The following HTN3 variants were observed in gnomAD, a reference collection of about 807,000 sequenced individuals.
The protein encoded by HTN3 is histatin-3.
HTN3 carries 15 observed loss-of-function variants against 10.6 expected under a neutral mutation model. That is an observed-to-expected ratio of 1.42 (90% CI 0.95 to 2.18). The LOEUF is 2.18. HTN3 is among the 30% of genes most tolerant of loss of function. The pLI, the probability that HTN3 is intolerant of heterozygous loss-of-function variation, is 0.00. For missense variants in HTN3, 68 were observed against 58.0 expected, an observed-to-expected ratio of 1.17 and a Z score of -0.56; for synonymous variants, 15 against 16.9, an observed-to-expected ratio of 0.89 and a Z score of 0.27.
At chr4:70,031,163 T>A (rs1725374447) in intron 2 of HTN3, 2 of 163,520 alleles carry the variant, frequency 1.2e-5, no homozygotes, top group South Asian at 3.5e-4. Context: ...TTAGAGGGTG[T>A]CAAAATATGA....
intron 1 of HTN3, among the ~76,000 whole-genome samples, chr4:70,030,443 T>C (rs1164719553): frequency 6.6e-6 from 1 of 152,122 alleles, no homozygotes; most frequent in East Asian, 1.9e-4. Context: ...CTGGGCAATA[T>C]AGTGAGACTA....
intron 2 of HTN3, 118 bp from the exon 3 acceptor site, chr4:70,031,861 C>A (rs1451817914): frequency 1.0e-5 from 7 of 701,580 alleles, no homozygotes; most frequent in Non-Finnish European, 1.5e-5. Context: ...AGCATGTCAT[C>A]ATCCAAAGAA....
At chr4:70,035,087 G>T (rs370045757) in intron 5 of HTN3, among the ~76,000 whole-genome samples, 62 of 152,230 alleles carry the variant, frequency 4.1e-4, no homozygotes, top group Non-Finnish European at 5.3e-4. Context: ...CAATAGTGCA[G>T]CAAACCACCA....
At position 70,033,182 on chromosome 4, in the gene HTN3, C is replaced by T. The variant is rs1220739264; in HGVS notation, c.118C>T (p.His40Tyr). 1 of 1,606,374 alleles carries T rather than the reference C, an allele frequency of 6.2e-7. No homozygotes were observed. Among genetic ancestry groups the T allele is most frequent in the Non-Finnish European group, 8.5e-7 (1 of 1,174,698 alleles). The change falls in exon 5 of 6, where the codon CAT becomes TAT. Residue 40 changes from histidine to tyrosine, a missense_variant. Coordinates refer to ENST00000673563, the MANE Select transcript of HTN3 (RefSeq NM_000200.3). ...KRKFHEKHHS[H>Y]RGYRSNYLYD... ...GTGTATGCAGGAAAAGCATCATTCACATCGAGGCTATAGATCAAATTATCT... is the reference window on the plus strand; with the variant it reads ...GTGTATGCAGGAAAAGCATCATTCATATCGAGGCTATAGATCAAATTATCT...
At chr4:70,029,658 T>C (rs1280539237) in intron 1 of HTN3, among the ~76,000 whole-genome samples, 1 of 152,204 alleles carries the variant, frequency 6.6e-6, no homozygotes, top group African/African-American at 2.4e-5. Context: ...GAAATGCTTT[T>C]ATTTACATGT....
At chr4:70,032,292 T>C (rs1725399981) in intron 4 of HTN3, among the ~76,000 whole-genome samples, 185 bp downstream of exon 4, 1 of 152,034 alleles carries the variant, frequency 6.6e-6, no homozygotes, top group Admixed American at 6.6e-5. Context: ...CTAACAGCAT[T>C]TCAACGGAAA....
chr4:70,034,957 C>G (rs1384386703), intron 5 of HTN3, among the ~76,000 whole-genome samples: 1 of 152,022 alleles, frequency 6.6e-6, no homozygotes, highest in East Asian at 1.9e-4. Context: ...AACAGAAAAC[C>G]AAACAGCACA....
chr4:70,033,098 T>C, intron 4 of HTN3, 69 bp from the exon 5 acceptor site: 1 of 1,102,350 alleles, frequency 9.1e-7, no homozygotes, highest in South Asian at 1.4e-5. Context: ...GTGACAGTTT[T>C]TGTGAAGCAT....
At chr4:70,029,572 A>G (rs1725324340) in intron 1 of HTN3, among the ~76,000 whole-genome samples, 1 of 152,136 alleles carries the variant, frequency 6.6e-6, no homozygotes, top group Admixed American at 6.6e-5. Flanking sequence ...CTATTAATGA[A>G]TTACTTTATA....
chr4:70,029,918 C>A (rs1432545902), intron 1 of HTN3, among the ~76,000 whole-genome samples: 1 of 152,208 alleles, frequency 6.6e-6, no homozygotes, highest in South Asian at 2.1e-4. Context: ...AAGGTTGCAC[C>A]ATCTGTGCTA....
chr4:70,033,197 T>A lies in HTN3; in HGVS notation c.133T>A (p.Ser45Thr). The change falls in exon 5 of 6, where the codon TCA (serine) becomes ACA (threonine). Residue 45 changes from serine to threonine, a missense_variant. Physicochemically the swap from Ser to Thr is moderately conservative, Grantham distance 58. Coordinates refer to ENST00000673563, the MANE Select transcript of HTN3 (RefSeq NM_000200.3). ...GCATCATTCACATCGAGGCTATAGA[T>A]CAAATTATCTGTATGACAATTGATA... ...EKHHSHRGYRSNYLYDN is the reference protein window; with the variant it reads ...EKHHSHRGYRTNYLYDN 1 of 1,603,524 alleles carries A rather than the reference T, an allele frequency of 6.2e-7. No individual in the cohort carries two copies. The highest frequency in any genetic ancestry group is 8.5e-7 in the Non-Finnish European group (1 of 1,173,152).
At chr4:70,030,698 A>T in intron 1 of HTN3, 30 bp from the exon 2 acceptor site, 1 of 1,404,512 alleles carries the variant, frequency 7.1e-7, no homozygotes, top group South Asian at 1.2e-5. Flanking sequence ...AAAGAATGTG[A>T]TTACTGATTT....
Position 70,032,107 on chromosome 4 carries a change from T to A in HTN3, c.102T>A (p.His34Gln). 1.3e-6 allele frequency: 2 copies of A among 1,508,964 alleles called. No individual in the cohort carries two copies. The highest frequency in any genetic ancestry group is 2.3e-5 in the East Asian group (1 of 43,964). The allele number at this position is 1,508,964 out of a possible 1,614,324, so 93.5% of individuals were successfully genotyped here. A position where few individuals can be genotyped will look rare whatever the true frequency, so the allele number is the denominator to read the frequency against. ...KRHHGYKRKF[H>Q]EKHHSHRGYR... The stretch of plus-strand genomic sequence containing the variant: ...ATCATGGGTATAAAAGAAAATTCCA[T>A]GTAAGTGTTCTTCTGATAATGTGCA... The change falls in exon 4 of 6, where the codon CAT (histidine) becomes CAA (glutamine). Residue 34 changes from histidine (H) to glutamine (Q), a missense_variant and splice_region_variant. Coordinates refer to ENST00000673563, the MANE Select transcript of HTN3 (RefSeq NM_000200.3).
rs1725519071 is a variant in HTN3, at chr4:70,036,494, T to G, written c.*261T>G. 1 of 152,190 alleles carries G rather than the reference T, an allele frequency of 6.6e-6. No individual in the cohort carries two copies. The allele number at this position is 152,190 out of a possible 1,614,324, so 9.4% of individuals were successfully genotyped here. ...ACTGCTGTTTCTGAGTAATAGAAAT[T>G]CATTCCTCTCCAAAAGCAATAAAAT... On this transcript the variant is annotated 3_prime_UTR_variant, in exon 6 of 6. Coordinates refer to ENST00000673563, the MANE Select transcript of HTN3 (RefSeq NM_000200.3).
Position 70,033,334 on chromosome 4 carries a change from T to TA in HTN3, c.*33+83dup, listed in dbSNP as rs998878338. ...CAAGGAAAAATTAAAAAAAAGCCAT[T>TA]AAGCCAACAATCATTCCAGTTTAAG... On this transcript the variant is annotated intron_variant, in intron 5 of 5. Coordinates refer to ENST00000673563, the MANE Select transcript of HTN3 (RefSeq NM_000200.3). 1.1e-4 allele frequency: 72 copies of TA among 671,454 alleles called. 1 individual carries two copies. In the Admixed American group the frequency reaches 2.1e-3, roughly 20 times the overall value. 41.6% of individuals were successfully genotyped at this position (671,454 alleles called of 1,614,324 possible). A position where few individuals can be genotyped will look rare whatever the true frequency, so the allele number is the denominator to read the frequency against.
intron 5 of HTN3, among the ~76,000 whole-genome samples, chr4:70,035,455 T>G (rs535508189): frequency 2.0e-5 from 3 of 152,338 alleles, no homozygotes; most frequent in African/African-American, 7.2e-5. Context: ...TCTCTGCCAC[T>G]AAATCTGTAC....
intron 2 of HTN3, chr4:70,031,021 G>T: frequency 2.7e-6 from 1 of 373,278 alleles, no homozygotes; most frequent in Non-Finnish European, 4.8e-6. Context: ...AAAAATAAAA[G>T]AAAATTAAGC....
At chr4:70,036,035 A>G (rs747953431) in intron 5 of HTN3, among the ~76,000 whole-genome samples, 3 of 152,168 alleles carry the variant, frequency 2.0e-5, no homozygotes, top group Non-Finnish European at 4.4e-5. Context: ...AACCTCAAGA[A>G]AAATTTAAAT....
rs372466483 is a variant in HTN3, at chr4:70,035,036, T to A, written c.*34-1231T>A. 7.9e-5 allele frequency among the ~76,000 whole-genome samples: 12 copies of A among 151,832 alleles called. No homozygotes were observed. In the East Asian group the frequency reaches 2.1e-3, roughly 27 times the overall value. On this transcript the variant is annotated intron_variant, in intron 5 of 5. Transcript: ENST00000673563. ...GGAGGGGAACAACACACACCAGGGA[T>A]GGGGGGTAGGAGGTGACAGAAGGTA... is the stretch of plus-strand genomic sequence containing the variant.
Sources: gnomAD v4.1 joint callset for allele counts (sites outside exome capture counted in the v4.1 genomes callset) on GRCh38, gnomAD v4.1.1 for gene constraint, MANE v1.5 for transcripts, NCBI Gene and HGNC (gene_info 2026-07-23, HGNC 2026-07-21) for gene names.